KHDRBS2: variants seen among roughly 807,000 people sequenced by gnomAD.
The protein encoded by KHDRBS2 is KH domain-containing, RNA-binding, signal transduction-associated protein 2.
In KHDRBS2, 26 loss-of-function variants were observed where a neutral mutation model predicts 44.3. The ratio of observed to expected loss-of-function variants is 0.59; its 90% CI spans 0.43 to 0.81. The LOEUF (loss-of-function observed/expected upper bound fraction) is 0.81. Among genes scored for constraint, KHDRBS2 ranks in the 40% least tolerant of loss-of-function variants. The pLI, the probability that KHDRBS2 is intolerant of heterozygous loss-of-function variation, is 0.00. For synonymous variants in KHDRBS2, 194 were observed against 151.1 expected (o/e 1.28, Z -2.08); for missense variants, 476 against 433.1 (o/e 1.10, Z -0.88).
chr6:62,251,818 C>T (rs1836585895), intron 1 of KHDRBS2, among the ~76,000 whole-genome samples: 2 of 150,920 alleles, frequency 1.3e-5, no homozygotes, highest in Non-Finnish European at 3.0e-5. Flanking sequence ...ATATGCAAAG[C>T]CTCACATTTT....
intron 4 of KHDRBS2, among the ~76,000 whole-genome samples, chr6:61,974,085 T>C (rs1771985882): frequency 6.6e-6 from 1 of 152,226 alleles, no homozygotes. Context: ...GTACTATGTT[T>C]CAGTCATGAG....
At chr6:61,623,123 A>G in the KHDRBS2 span, among the ~76,000 whole-genome samples, 2 of 152,102 alleles carry the variant, frequency 1.3e-5, no homozygotes, top group African/African-American at 4.8e-5. Context: ...CAAACAGAAG[A>G]AGGCAAACAT....
At chr6:61,699,041 C>T (rs1046011910) in intron 7 of KHDRBS2, among the ~76,000 whole-genome samples, 1 of 151,982 alleles carries the variant, frequency 6.6e-6, no homozygotes, top group Non-Finnish European at 1.5e-5. Flanking sequence ...TGGCTGTTCC[C>T]CTCTTCTAGA....
chr6:61,973,693 T>G (rs1024259461), intron 4 of KHDRBS2, among the ~76,000 whole-genome samples: 17 of 151,806 alleles, frequency 1.1e-4, no homozygotes, highest in African/African-American at 3.6e-4. Context: ...ACACACACGT[T>G]TACATAAGTA....
intron 6 of KHDRBS2, among the ~76,000 whole-genome samples, chr6:61,768,243 T>C (rs892500887): frequency 6.6e-6 from 1 of 152,156 alleles, no homozygotes; most frequent in Non-Finnish European, 1.5e-5. Flanking sequence ...GGAGATCCTT[T>C]GCATGTTGTG....
At chr6:61,582,330 A>G in the KHDRBS2 span, among the ~76,000 whole-genome samples, 2 of 151,776 alleles carry the variant, frequency 1.3e-5, no homozygotes, top group Non-Finnish European at 3.0e-5. Flanking sequence ...CCCATAGAAG[A>G]GAAGAAATTT....
intron 6 of KHDRBS2, among the ~76,000 whole-genome samples, chr6:61,776,178 C>T (rs1781956733): frequency 1.3e-5 from 2 of 152,140 alleles, no homozygotes; most frequent in Admixed American, 1.3e-4. Context: ...GACCTAAAAC[C>T]ATAAAAACCC....
intron 1 of KHDRBS2, 106 bp from the exon 2 acceptor site, chr6:62,177,418 AAAT>A (rs1266875276): frequency 1.1e-6 from 1 of 872,180 alleles, no homozygotes; most frequent in Admixed American, 2.9e-5. Flanking sequence ...TCCTCTTCTC[AAAT>A]AAGATTTTGA....
intron 3 of KHDRBS2, among the ~76,000 whole-genome samples, chr6:62,018,163 G>C (rs1309250078): frequency 1.4e-5 from 2 of 147,906 alleles, no homozygotes; most frequent in African/African-American, 5.0e-5. Flanking sequence ...TTTTTTTTGA[G>C]ACGGAGTCTT....
chr6:61,758,207 T>A lies in KHDRBS2; in HGVS notation c.811-25443A>T, dbSNP rs566399551. 4.6e-5 allele frequency among the ~76,000 whole-genome samples: 7 copies of A among 152,278 alleles called. No individual in the cohort carries two copies. In the South Asian group the frequency reaches 1.4e-3, roughly 32 times the overall value. ...GAAATTGTAGGGCTTATCTTATTTGTTTCCTGTCTCTCAGAGATCACTGTT... is the reference window on the plus strand; with the variant it reads ...GAAATTGTAGGGCTTATCTTATTTGATTCCTGTCTCTCAGAGATCACTGTT... On this transcript the variant is annotated intron_variant, in intron 6 of 8. Coordinates refer to ENST00000281156, the MANE Select transcript of KHDRBS2 (RefSeq NM_152688.4).
chr6:62,190,916 T>A (rs990152761), intron 1 of KHDRBS2, among the ~76,000 whole-genome samples: 2 of 152,060 alleles, frequency 1.3e-5, no homozygotes, highest in Admixed American at 1.3e-4. Context: ...TCAGATACTC[T>A]CTCACTGCCT....
intron 3 of KHDRBS2, among the ~76,000 whole-genome samples, chr6:61,994,757 G>A (rs1776849215): frequency 6.6e-6 from 1 of 152,132 alleles, no homozygotes; most frequent in African/African-American, 2.4e-5. Flanking sequence ...TATTGTAAGT[G>A]CAATAAAAGA....
chr6:61,788,743 A>G (rs1784195594), intron 6 of KHDRBS2, among the ~76,000 whole-genome samples: 1 of 151,344 alleles, frequency 6.6e-6, no homozygotes, highest in African/African-American at 2.4e-5. Flanking sequence ...TTCAATTACA[A>G]GTTTTACTGA....
chr6:61,607,429 A>G, the KHDRBS2 span, among the ~76,000 whole-genome samples: 1 of 150,372 alleles, frequency 6.7e-6, no homozygotes, highest in Non-Finnish European at 1.5e-5. Flanking sequence ...AAACAATAAA[A>G]TAGATAAGCC....
intron 2 of KHDRBS2, among the ~76,000 whole-genome samples, chr6:62,099,134 TC>T (rs1196821209): frequency 9.2e-5 from 14 of 152,282 alleles, no homozygotes; most frequent in Admixed American, 9.2e-4. Context: ...TACTTTAGGG[TC>T]AGTATCCGGT....
At chr6:62,074,374 C>G (rs1035254314) in intron 2 of KHDRBS2, among the ~76,000 whole-genome samples, 1 of 151,834 alleles carries the variant, frequency 6.6e-6, no homozygotes, top group African/African-American at 2.4e-5. Flanking sequence ...CCTTTAAAAA[C>G]TCTATGCAAA....
intron 6 of KHDRBS2, among the ~76,000 whole-genome samples, chr6:61,875,402 C>G (rs1483017798): frequency 6.6e-6 from 1 of 151,950 alleles, no homozygotes; most frequent in Non-Finnish European, 1.5e-5. Flanking sequence ...ACAAAAAGGC[C>G]CTGTAAGTAT....
At chr6:61,900,555 A>AG (rs1803791889) in intron 5 of KHDRBS2, among the ~76,000 whole-genome samples, 1 of 152,198 alleles carries the variant, frequency 6.6e-6, no homozygotes, top group Non-Finnish European at 1.5e-5. Flanking sequence ...AAATTCTAAT[A>AG]CAAAAAGATA....
chr6:62,017,743 T>A (rs1388300262), intron 3 of KHDRBS2, among the ~76,000 whole-genome samples: 1 of 152,124 alleles, frequency 6.6e-6, no homozygotes, highest in East Asian at 1.9e-4. Context: ...TTTAGAACTG[T>A]AATTTTGGAT....
Sources: allele counts gnomAD v4.1 joint callset (sites outside exome capture counted in the v4.1 genomes callset), GRCh38; gene constraint gnomAD v4.1.1; transcripts MANE v1.5; gene names NCBI Gene and HGNC (gene_info 2026-07-23, HGNC 2026-07-21).